The following ZRANB3 variants were observed in gnomAD, a reference collection of about 807,000 sequenced individuals.
ZRANB3 encodes zinc finger RANBP2-type containing 3, also known as DNA annealing helicase and endonuclease ZRANB3.
Under a neutral mutation model 133.8 loss-of-function variants are expected in ZRANB3, and 125 were observed. That is an observed-to-expected ratio of 0.93 (90% CI 0.81 to 1.08). ZRANB3 has a LOEUF of 1.08. Ranked by LOEUF, ZRANB3 falls within the 50% of genes least tolerant of loss-of-function variation. ZRANB3 has a pLI of 0.00. For synonymous variants in ZRANB3, 387 were observed against 432.7 expected (o/e 0.89, Z 1.31); for missense variants, 1,229 against 1,275.5 (o/e 0.96, Z 0.56).
At chr2:135,356,811 C>A (rs1685458163) in intron 3 of ZRANB3, among the ~76,000 whole-genome samples, 1 of 151,794 alleles carries the variant, frequency 6.6e-6, no homozygotes, top group South Asian at 2.1e-4. Context: ...CTCAAGCAAT[C>A]CTCCTAGCTC....
chr2:135,220,572 C>T (rs1694499936), intron 15 of ZRANB3, among the ~76,000 whole-genome samples: 1 of 151,402 alleles, frequency 6.6e-6, no homozygotes, highest in African/African-American at 2.4e-5. Flanking sequence ...GTGGCGTGCA[C>T]CTGTAATCCC....
chr2:135,351,930 T>C (rs1685226276), intron 4 of ZRANB3, among the ~76,000 whole-genome samples: 1 of 152,164 alleles, frequency 6.6e-6, no homozygotes, highest in African/African-American at 2.4e-5. Context: ...TTATCCACCA[T>C]TTAACTGCAA....
At position 135,442,394 on chromosome 2, in the gene ZRANB3, C is replaced by A. The variant is rs184846735; in HGVS notation, c.162-51574G>T. Among the ~76,000 whole-genome samples the A allele has an allele frequency of 4.5e-4, 69 of 152,278 alleles. No individual in the cohort carries two copies. In the Middle Eastern group the frequency reaches 0.01, roughly 23 times the overall value. On this transcript the variant is annotated intron_variant, in intron 2 of 20. Transcript: ENST00000264159. ...TCCAAAAGTGTACAAAGGATATGAACAGACACTTCTCAAAAGAAGACATTT... is the reference window on the plus strand; with the variant it reads ...TCCAAAAGTGTACAAAGGATATGAAAAGACACTTCTCAAAAGAAGACATTT...
At chr2:135,504,220 C>T (rs1278211256) in intron 2 of ZRANB3, 109 bp downstream of exon 2, 4 of 1,293,098 alleles carry the variant, frequency 3.1e-6, no homozygotes, top group South Asian at 2.5e-5. Context: ...ACAATCAATT[C>T]TACTAAAGAA....
intron 12 of ZRANB3, among the ~76,000 whole-genome samples, chr2:135,244,203 C>T (rs1695683684): frequency 6.6e-6 from 1 of 152,034 alleles, no homozygotes; most frequent in African/African-American, 2.4e-5. Flanking sequence ...CGTGGTGGCT[C>T]ATGCCTGTAA....
At chr2:135,404,475 T>C (rs1484354233) in intron 2 of ZRANB3, among the ~76,000 whole-genome samples, 2 of 152,184 alleles carry the variant, frequency 1.3e-5, no homozygotes, top group South Asian at 4.1e-4. Context: ...CTACATCTGA[T>C]TGGTGTACCT....
intron 12 of ZRANB3, among the ~76,000 whole-genome samples, chr2:135,262,589 C>G (rs1244017163): frequency 6.6e-6 from 1 of 151,828 alleles, no homozygotes; most frequent in Non-Finnish European, 1.5e-5. Context: ...TGAGACCAGC[C>G]TGAGCCACGT....
chr2:135,255,861 C>T (rs930103519), intron 12 of ZRANB3, among the ~76,000 whole-genome samples: 3 of 151,628 alleles, frequency 2.0e-5, no homozygotes, highest in Non-Finnish European at 4.4e-5. Context: ...AAAAACAACC[C>T]TCCTCAAACA....
chr2:135,517,814 C>T (rs530692292), intron 1 of ZRANB3, among the ~76,000 whole-genome samples: 7 of 152,288 alleles, frequency 4.6e-5, no homozygotes, highest in South Asian at 2.1e-4. Context: ...CTGCTCTCTT[C>T]GGAGCCAACA....
intron 19 of ZRANB3, among the ~76,000 whole-genome samples, chr2:135,205,640 C>T (rs889888397): frequency 3.0e-4 from 45 of 152,118 alleles, no homozygotes; most frequent in African/African-American, 6.8e-4. Flanking sequence ...TATGAGCCAA[C>T]GCCTGGCCTA....
At chr2:135,385,546 A>T (rs897205078) in intron 3 of ZRANB3, among the ~76,000 whole-genome samples, 3 of 152,202 alleles carry the variant, frequency 2.0e-5, no homozygotes, top group Non-Finnish European at 4.4e-5. Flanking sequence ...CTACACAAAG[A>T]AAAACAAAGT....
intron 2 of ZRANB3, among the ~76,000 whole-genome samples, chr2:135,431,757 A>C (rs1190937432): frequency 6.6e-6 from 1 of 152,214 alleles, no homozygotes; most frequent in African/African-American, 2.4e-5. Flanking sequence ...ATAGTGAAAT[A>C]CCATTATATA....
Position 135,504,411 on chromosome 2 carries a change from C to G in ZRANB3, c.79G>C (p.Asp27His), listed in dbSNP as rs1559042732. 3.1e-6 allele frequency: 5 copies of G among 1,613,526 alleles called. No individual in the cohort carries two copies. In the African/African-American group the frequency reaches 6.7e-5, roughly 22 times the overall value. Residue 27 changes from aspartate (D) to histidine (H), a missense_variant, in exon 2 of 21, where the codon GAT becomes CAT. By Grantham distance (81) the Asp-to-His change is moderately conservative (BLOSUM62 -1). Coordinates refer to ENST00000264159, the MANE Select transcript of ZRANB3 (RefSeq NM_032143.4). ...CVTNESDNLL[D>H]FLPDRLRAKL... ...GCTCTTAGTCTGTCAGGCAAAAAAT[C>G]CAGCAGATTATCAGATTCATTTGTC... is the stretch of plus-strand genomic sequence containing the variant.
chr2:135,306,923 A>C (rs1352086568), intron 8 of ZRANB3, among the ~76,000 whole-genome samples: 1 of 151,548 alleles, frequency 6.6e-6, no homozygotes, highest in Non-Finnish European at 1.5e-5. Flanking sequence ...ATGGGGTTTC[A>C]CCATGTTGGC....
intron 6 of ZRANB3, among the ~76,000 whole-genome samples, chr2:135,341,998 G>T (rs186240103): frequency 2.7e-5 from 4 of 149,994 alleles, no homozygotes; most frequent in Non-Finnish European, 4.4e-5. Flanking sequence ...CTACCCATTT[G>T]CCTTGTGATA....
intron 12 of ZRANB3, among the ~76,000 whole-genome samples, chr2:135,240,300 A>G (rs1695496323): frequency 6.6e-6 from 1 of 152,220 alleles, no homozygotes; most frequent in Non-Finnish European, 1.5e-5. Flanking sequence ...CAACATGGCA[A>G]GACCCTGTCT....
chr2:135,507,508 G>A (rs1693242637), intron 1 of ZRANB3, among the ~76,000 whole-genome samples: 1 of 152,116 alleles, frequency 6.6e-6, no homozygotes, highest in African/African-American at 2.4e-5. Context: ...AGAAAACCAT[G>A]TCCACTTTCC....
In ZRANB3 at chr2:135,265,589, G is replaced by A. The variant is rs1370836056; in HGVS notation, c.1484C>T (p.Ala495Val). ...TTCAGAACTGTCATTTGGAGTCCAAGCTTCAGCAAACTGCAGGAAATCCCA... is the reference window on the plus strand; with the variant it reads ...TTCAGAACTGTCATTTGGAGTCCAAACTTCAGCAAACTGCAGGAAATCCCA... ...EKWDFLQFAEAWTPNDSSEEL... is the reference protein window; with the variant it reads ...EKWDFLQFAEVWTPNDSSEEL... Residue 495 changes from alanine to valine, a missense_variant, in exon 12 of 21, where the codon GCT (alanine) becomes GTT (valine). Coordinates refer to ENST00000264159, the MANE Select transcript of ZRANB3 (RefSeq NM_032143.4). 6.2e-6 allele frequency: 10 copies of A among 1,613,564 alleles called. No individual in the cohort carries two copies. Among genetic ancestry groups the A allele is most frequent in the Non-Finnish European group, 8.5e-6 (10 of 1,179,768 alleles).
At chr2:135,269,903 T>A (rs1680433775) in intron 10 of ZRANB3, among the ~76,000 whole-genome samples, 1 of 152,206 alleles carries the variant, frequency 6.6e-6, no homozygotes, top group South Asian at 2.1e-4. Flanking sequence ...AACAGAAATA[T>A]CTGCCTTTTT....
Sources: allele counts gnomAD v4.1 joint callset (sites outside exome capture counted in the v4.1 genomes callset), GRCh38; gene constraint gnomAD v4.1.1; transcripts MANE v1.5; gene names NCBI Gene and HGNC (gene_info 2026-07-23, HGNC 2026-07-21).